Variants in TP53BP2 observed in about 807,000 individuals in gnomAD.
The protein encoded by TP53BP2 is apoptosis-stimulating of p53 protein 2.
In TP53BP2, 62 loss-of-function variants were observed where a neutral mutation model predicts 126.2. That is an observed-to-expected ratio of 0.49 (90% CI 0.40 to 0.61). The LOEUF is 0.61. TP53BP2 is among the 20% of genes least tolerant of loss of function. The probability of loss-of-function intolerance (pLI) is 0.00; values close to 1 mark genes in which losing one functional copy is unlikely to be tolerated. For missense variants in TP53BP2, 1,215 were observed against 1,402.8 expected (o/e 0.87, Z 2.14); for synonymous variants, 485 against 502.9 (o/e 0.96, Z 0.48).
At chr1:223,789,935 T>G (rs1233486500) in intron 15 of TP53BP2, among the ~76,000 whole-genome samples, 1 of 151,900 alleles carries the variant, frequency 6.6e-6, no homozygotes, top group African/African-American at 2.4e-5. Context: ...TACATAAGAT[T>G]TAGTTTCTTT....
rs542723864 is a variant in TP53BP2 at position 223,845,538 on chromosome 1, C to T, written c.27+116G>A. The T allele has an allele frequency of 2.0e-4, 234 of 1,181,020 alleles. 1 individual carries two copies. The highest frequency in any genetic ancestry group is 4.1e-4 in the Admixed American group (10 of 24,186). The allele number at this position is 1,181,020 out of a possible 1,614,324, so 73.2% of individuals were successfully genotyped here. ...GAAGCTCGGAAAGCCCCGGCCCCTC[C>T]GCGCGGGCTGCGGCCCCCAGGCTCC... On this transcript the variant is annotated intron_variant, in intron 1 of 17. Transcript: ENST00000343537.
In TP53BP2 at chr1:223,803,257, C is replaced by T; in HGVS notation, c.831+14G>A. The T allele has an allele frequency of 6.3e-7, 1 of 1,597,092 alleles. No individual in the cohort carries two copies. The highest frequency in any genetic ancestry group is 1.1e-5 in the South Asian group (1 of 88,468). On this transcript the variant is annotated intron_variant, in intron 7 of 17. Transcript: ENST00000343537. ...AGGAGGTTGTACAGCTTTTGGCAAA[C>T]AGCTACGGTCTACCTGCAGCTCCTT...
At chr1:223,831,480 A>AAATATATAT (rs1287271743) in intron 1 of TP53BP2, among the ~76,000 whole-genome samples, 15 of 32,450 alleles carry the variant, frequency 4.6e-4, no homozygotes, top group Middle Eastern at 0.033. Flanking sequence ...AAAAAAAAAA[A>AAATATATAT]ATATATATAT....
At chr1:223,829,913 A>C (rs1663639375) in intron 1 of TP53BP2, among the ~76,000 whole-genome samples, 1 of 152,168 alleles carries the variant, frequency 6.6e-6, no homozygotes, top group Non-Finnish European at 1.5e-5. Flanking sequence ...TACACATTAA[A>C]ATGTTAACTT....
At chr1:223,791,223 T>C (rs1179820467) in intron 15 of TP53BP2, among the ~76,000 whole-genome samples, 1 of 151,738 alleles carries the variant, frequency 6.6e-6, no homozygotes, top group East Asian at 1.9e-4. Context: ...GTCCAGGAGT[T>C]CGAGACCAAC....
At chr1:223,801,948 G>C (rs1371530057) in intron 9 of TP53BP2, 168 bp downstream of exon 9, 2 of 574,596 alleles carry the variant, frequency 3.5e-6, no homozygotes, top group East Asian at 6.0e-5. Context: ...GTACAACCAG[G>C]GTATCAATTT....
At chr1:223,798,941 G>T (rs185144495) in intron 11 of TP53BP2, among the ~76,000 whole-genome samples, 1 of 152,148 alleles carries the variant, frequency 6.6e-6, no homozygotes, top group Non-Finnish European at 1.5e-5. Flanking sequence ...GCATGGTGGC[G>T]GGCGCCTGTA....
chr1:223,780,749 A>G lies in TP53BP2; in HGVS notation c.*104T>C, dbSNP rs1025374064. Reference sequence around the variant, plus strand: ...ACATTCTTCATCGCTTTCAAGCTACATTGTCATTAAAATAAGTCTTGTGAA... The same window carrying G: ...ACATTCTTCATCGCTTTCAAGCTACGTTGTCATTAAAATAAGTCTTGTGAA... On this transcript the variant is annotated 3_prime_UTR_variant, in exon 18 of 18. Coordinates refer to ENST00000343537, the MANE Select transcript of TP53BP2 (RefSeq NM_001031685.3). The G allele has an allele frequency of 3.7e-6, 4 of 1,082,532 alleles. No individual in the cohort carries two copies. The highest frequency in any genetic ancestry group is 1.4e-5 in the South Asian group (1 of 71,048). The allele number at this position is 1,082,532 out of a possible 1,614,324, so 67.1% of individuals were successfully genotyped here.
chr1:223,792,751 A>T (rs55639602), intron 14 of TP53BP2, among the ~76,000 whole-genome samples: 12 of 152,024 alleles, frequency 7.9e-5, no homozygotes, highest in Admixed American at 2.6e-4. Context: ...GGTTTTTTTT[A>T]AAAAAAGGAA....
Position 223,784,215 on chromosome 1 carries a change from T to C in TP53BP2, c.3263A>G (p.Asp1088Gly). ...TTCCCTGTGGATGATTGTCATGCAG[T>C]CTCCTTCTTTCATGGGCAGCTCATC... ...NDDELPMKEG[D>G]CMTIIHREDE... is the part of the protein sequence containing the mutation. Residue 1088 changes from aspartate (D) to glycine (G), a missense_variant, in exon 17 of 18, where the codon GAC becomes GGC. Asp to Gly is a moderately conservative substitution (Grantham distance 94). This residue lies in a region of TP53BP2 where 151 missense variants were observed against 231.2 expected (regional missense o/e 0.65). Transcript: ENST00000343537. The C allele has an allele frequency of 1.2e-6, 2 of 1,614,142 alleles. No homozygotes were observed. The highest frequency in any genetic ancestry group is 2.7e-5 in the African/African-American group (2 of 75,040).
At chr1:223,827,028 G>A (rs1558107404) in intron 1 of TP53BP2, among the ~76,000 whole-genome samples, 3 of 152,154 alleles carry the variant, frequency 2.0e-5, no homozygotes, top group African/African-American at 7.2e-5. Context: ...GAGGAAGGAG[G>A]AACAGGTTGG....
At chr1:223,822,930 AAAT>A (rs1456067317) in intron 1 of TP53BP2, among the ~76,000 whole-genome samples, 1 of 152,228 alleles carries the variant, frequency 6.6e-6, no homozygotes, top group East Asian at 1.9e-4. Context: ...CAGGATTAAA[AAAT>A]AATAATTTGA....
intron 4 of TP53BP2, among the ~76,000 whole-genome samples, chr1:223,808,540 CAAAAA>C (rs34273651): frequency 9.0e-6 from 1 of 110,836 alleles, no homozygotes; most frequent in Admixed American, 9.3e-5. Flanking sequence ...GACTCTGTAT[CAAAAA>C]AAAAAAAAAA....
intron 17 of TP53BP2, among the ~76,000 whole-genome samples, chr1:223,782,314 A>C (rs1271697119): frequency 6.6e-6 from 1 of 152,226 alleles, no homozygotes; most frequent in East Asian, 1.9e-4. Flanking sequence ...AAGGAGGTAA[A>C]GTCTTTCCCA....
Position 223,802,704 on chromosome 1 carries a change from A to C in TP53BP2, c.996+27T>G, listed in dbSNP as rs754118617. ...CTGGTCATCTTTTTCCCTCCTCCCCAAAACCATTACAAAACGGCCCACTTA... is the reference window on the plus strand; with the variant it reads ...CTGGTCATCTTTTTCCCTCCTCCCCCAAACCATTACAAAACGGCCCACTTA... On this transcript the variant is annotated intron_variant, in intron 8 of 17. Transcript: ENST00000343537. 6.2e-6 allele frequency: 10 copies of C among 1,612,806 alleles called. No homozygotes were observed. In the African/African-American group the frequency reaches 1.2e-4, roughly 19 times the overall value.
intron 1 of TP53BP2, chr1:223,834,967 C>T (rs72749569): frequency 0.057 from 31,565 of 558,240 alleles, 936 homozygotes; most frequent in East Asian, 0.078. Flanking sequence ...ATGCCTCCTC[C>T]CTGGTTTTCC....
chr1:223,808,242 G>C (rs1662788008), intron 4 of TP53BP2, among the ~76,000 whole-genome samples: 1 of 152,154 alleles, frequency 6.6e-6, no homozygotes, highest in Admixed American at 6.5e-5. Flanking sequence ...AAACCTCAGG[G>C]CCGGGCACGG....
intron 1 of TP53BP2, among the ~76,000 whole-genome samples, chr1:223,834,138 G>A (rs1431991116): frequency 6.6e-6 from 1 of 152,226 alleles, no homozygotes; most frequent in Non-Finnish European, 1.5e-5. Context: ...AGGGAGAACA[G>A]GGGGTAGCTC....
chr1:223,832,113 C>G (rs529763617), intron 1 of TP53BP2, among the ~76,000 whole-genome samples: 1 of 151,824 alleles, frequency 6.6e-6, no homozygotes, highest in South Asian at 2.1e-4. Flanking sequence ...TCATTTGATT[C>G]AGAAAATCAT....
Sources: allele counts gnomAD v4.1 joint callset (sites outside exome capture counted in the v4.1 genomes callset), GRCh38; gene constraint gnomAD v4.1.1; regional missense constraint gnomAD v4.1.1; transcripts MANE v1.5; gene names NCBI Gene and HGNC (gene_info 2026-07-23, HGNC 2026-07-21).